Variants in DAB1 observed in about 807,000 individuals in gnomAD.
DAB1 encodes the protein DAB adaptor protein 1.
A neutral mutation model predicts 64.6 loss-of-function variants in DAB1; 15 were observed. That is an observed-to-expected ratio of 0.23 (90% CI 0.16 to 0.36). DAB1 has a LOEUF of 0.36. Among genes scored for constraint, DAB1 ranks in the 10% least tolerant of loss-of-function variants. DAB1 has a pLI of 1.00. For synonymous variants in DAB1, 235 were observed against 251.9 expected (o/e 0.93, Z 0.64); for missense variants, 596 against 706.7 (o/e 0.84, Z 1.78).
At chr1:57,788,591 G>T (rs80201196) in intron 6 of DAB1, among the ~76,000 whole-genome samples, 1 of 152,146 alleles carries the variant, frequency 6.6e-6, no homozygotes, top group Non-Finnish European at 1.5e-5. Context: ...GTTATTCTAT[G>T]TATTTCCCAC....
chr1:57,847,891 G>A (rs1244103438), intron 1 of DAB1, among the ~76,000 whole-genome samples: 1 of 152,150 alleles, frequency 6.6e-6, no homozygotes, highest in African/African-American at 2.4e-5. Context: ...TCCAGGCATT[G>A]TTCTAAATAT....
At chr1:57,363,449 C>T (rs1679714161) in intron 1 of DAB1, among the ~76,000 whole-genome samples, 1 of 151,896 alleles carries the variant, frequency 6.6e-6, no homozygotes, top group Admixed American at 6.6e-5. Flanking sequence ...GAACACATTT[C>T]CAAATCCCAT....
At chr1:57,852,242 G>C (rs2101929070) in intron 1 of DAB1, among the ~76,000 whole-genome samples, 1 of 152,338 alleles carries the variant, frequency 6.6e-6, no homozygotes, top group South Asian at 2.1e-4. Context: ...GCCACACAGA[G>C]AGGCCAAGAA....
At chr1:58,494,327 C>A (rs1342987921) in intron 3 of DAB1, among the ~76,000 whole-genome samples, 25 of 151,966 alleles carry the variant, frequency 1.6e-4, no homozygotes, top group Non-Finnish European at 3.1e-4. Context: ...AGAAGAAAAC[C>A]TAGGCAATAC....
At chr1:58,243,549 T>C (rs895064985) in intron 4 of DAB1, among the ~76,000 whole-genome samples, 2 of 152,104 alleles carry the variant, frequency 1.3e-5, no homozygotes, top group Non-Finnish European at 2.9e-5. Flanking sequence ...ATTAATTATA[T>C]AGAATTCTTG....
chr1:57,267,320 C>T (rs374778295), intron 2 of DAB1, among the ~76,000 whole-genome samples: 15 of 151,886 alleles, frequency 9.9e-5, no homozygotes, highest in South Asian at 2.1e-4. Context: ...GCCTCCAGAA[C>T]GCTGAGAAAG....
At chr1:57,327,864 T>C (rs1167813474) in intron 1 of DAB1, among the ~76,000 whole-genome samples, 1 of 152,006 alleles carries the variant, frequency 6.6e-6, no homozygotes, top group Non-Finnish European at 1.5e-5. Context: ...CAACAAAAAA[T>C]ACCCCTACAA....
At chr1:57,597,159 C>T (rs532031365) in intron 7 of DAB1, among the ~76,000 whole-genome samples, 8 of 152,326 alleles carry the variant, frequency 5.3e-5, no homozygotes, top group South Asian at 2.1e-4. Context: ...CTCAGCCTAA[C>T]GCCACTTATC....
chr1:57,606,514 T>TATATATA (rs1408479327), intron 7 of DAB1, among the ~76,000 whole-genome samples: 2 of 72,008 alleles, frequency 2.8e-5, no homozygotes, highest in Non-Finnish European at 5.0e-5. Context: ...TATAATATAA[T>TATATATA]ATATATAATA....
Position 57,218,515 on chromosome 1 carries a change from TAAAAAAAAAA to T in DAB1, c.67+72439_67+72448del, listed in dbSNP as rs776398255. Reference sequence around the variant, plus strand: ...AGCAACATAGTGAGACCCCCATCTCTAAAAAAAAAAAAAAAAAAAAAAAAAAAACAGAAAA... The same window carrying T: ...AGCAACATAGTGAGACCCCCATCTCTAAAAAAAAAAAAAAAAAACAGAAAA... On this transcript the variant is annotated intron_variant, in intron 2 of 14. Coordinates refer to ENST00000371236, the MANE Select transcript of DAB1 (RefSeq NM_001365792.1). Among the ~76,000 whole-genome samples the T allele has an allele frequency of 6.4e-3, 459 of 71,442 alleles. 1 individual carries two copies. The highest frequency in any genetic ancestry group is 0.012 in the African/African-American group (165 of 13,458). 46.9% of individuals were successfully genotyped at this position (71,442 alleles called of 152,430 possible).
chr1:58,221,989 T>C (rs1570503377), intron 4 of DAB1, among the ~76,000 whole-genome samples: 1 of 152,214 alleles, frequency 6.6e-6, no homozygotes, highest in Non-Finnish European at 1.5e-5. Context: ...GACAGAATGA[T>C]AGAAATGAAG....
intron 5 of DAB1, among the ~76,000 whole-genome samples, chr1:57,928,447 A>T (rs535580822): frequency 6.6e-6 from 1 of 152,220 alleles, no homozygotes; most frequent in African/African-American, 2.4e-5. Flanking sequence ...ACCTGCACTG[A>T]TATATCACTG....
intron 5 of DAB1, among the ~76,000 whole-genome samples, chr1:57,972,513 G>T (rs1424963062): frequency 6.6e-6 from 1 of 152,184 alleles, no homozygotes; most frequent in Admixed American, 6.5e-5. Flanking sequence ...CAAGTGCTGG[G>T]ATTATTCCCA....
chr1:58,413,310 G>A (rs562710885), intron 3 of DAB1, among the ~76,000 whole-genome samples: 2 of 152,274 alleles, frequency 1.3e-5, no homozygotes, highest in East Asian at 3.9e-4. Flanking sequence ...CACCATGCTA[G>A]GTAATTACAT....
At chr1:58,088,153 C>G (rs773126654) in intron 5 of DAB1, among the ~76,000 whole-genome samples, 1 of 152,210 alleles carries the variant, frequency 6.6e-6, no homozygotes, top group Non-Finnish European at 1.5e-5. Flanking sequence ...ATAGGGAACA[C>G]AACAGAAGTC....
intron 4 of DAB1, among the ~76,000 whole-genome samples, chr1:57,127,319 G>A (rs775642642): frequency 3.3e-5 from 5 of 152,110 alleles, no homozygotes; most frequent in Admixed American, 6.5e-5. Context: ...TTTCAGAAGC[G>A]TCTTTCTCCA....
intron 9 of DAB1, among the ~76,000 whole-genome samples, chr1:57,060,997 G>C (rs904218879): frequency 2.0e-5 from 3 of 152,062 alleles, no homozygotes; most frequent in Non-Finnish European, 4.4e-5. Flanking sequence ...CTGAATTGTA[G>C]AGAATGGTGT....
intron 3 of DAB1, among the ~76,000 whole-genome samples, chr1:58,344,842 T>C (rs1484678735): frequency 6.6e-6 from 1 of 151,064 alleles, no homozygotes; most frequent in Admixed American, 6.6e-5. Context: ...AGGCATCTAA[T>C]GATGGGCACA....
intron 3 of DAB1, among the ~76,000 whole-genome samples, chr1:58,433,219 T>C (rs185260790): frequency 1.4e-4 from 21 of 152,160 alleles, no homozygotes; most frequent in Admixed American, 1.3e-3. Flanking sequence ...GTCTTAACTA[T>C]CCCTCTTAAC....
Sources: gnomAD v4.1 joint callset for allele counts (sites outside exome capture counted in the v4.1 genomes callset) on GRCh38, gnomAD v4.1.1 for gene constraint, MANE v1.5 for transcripts, NCBI Gene and HGNC (gene_info 2026-07-23, HGNC 2026-07-21) for gene names.